The following CLSTN2 variants were observed in gnomAD, a reference collection of about 807,000 sequenced individuals.
CLSTN2 encodes calsyntenin-2.
CLSTN2 carries 48 observed loss-of-function variants against 101.2 expected under a neutral mutation model. That is an observed-to-expected ratio of 0.47 (90% confidence interval 0.38 to 0.60). CLSTN2 has a LOEUF of 0.60. Among genes scored for constraint, CLSTN2 ranks in the 20% least tolerant of loss-of-function variants. CLSTN2 has a pLI of 0.00. For missense variants in CLSTN2, 1,160 were observed against 1,238.2 expected (o/e 0.94, Z 0.95); for synonymous variants, 481 against 463.6 (o/e 1.04, Z -0.48).
intron 2 of CLSTN2, among the ~76,000 whole-genome samples, chr3:140,199,714 T>G (rs2010694017): frequency 6.6e-6 from 1 of 152,350 alleles, no homozygotes; most frequent in African/African-American, 2.4e-5. Context: ...CCAGTGGGCC[T>G]GGGGTGAGTT....
intron 12 of CLSTN2, among the ~76,000 whole-genome samples, chr3:140,560,087 G>A (rs1242119038): frequency 1.8e-4 from 28 of 152,220 alleles, no homozygotes; most frequent in Admixed American, 1.8e-3. Context: ...GCAGGGAAGA[G>A]CAATTATCTG....
intron 2 of CLSTN2, among the ~76,000 whole-genome samples, chr3:140,207,481 G>A (rs185638329): frequency 1.3e-5 from 2 of 151,956 alleles, no homozygotes; most frequent in African/African-American, 4.8e-5. Context: ...CTTTAAATGG[G>A]GATAGAAGTA....
At chr3:140,012,941 T>TGG (rs3065264) in intron 1 of CLSTN2, among the ~76,000 whole-genome samples, 136,203 of 151,932 alleles carry the variant, frequency 0.9, 62,142 homozygotes, top group Non-Finnish European at 0.99. Flanking sequence ...CACAGAGACA[T>TGG]GAGTGGCTGT....
At chr3:140,513,281 C>T (rs1934849142) in intron 8 of CLSTN2, among the ~76,000 whole-genome samples, 1 of 152,114 alleles carries the variant, frequency 6.6e-6, no homozygotes, top group Admixed American at 6.6e-5. Flanking sequence ...AGGTATGTCC[C>T]TTCAATACCT....
intron 2 of CLSTN2, among the ~76,000 whole-genome samples, chr3:140,266,333 A>G (rs2086693712): frequency 1.3e-5 from 2 of 152,256 alleles, no homozygotes; most frequent in Non-Finnish European, 2.9e-5. Flanking sequence ...CCACAGGAAC[A>G]GTGAGATCCA....
At chr3:140,066,765 A>T (rs552712308) in intron 1 of CLSTN2, among the ~76,000 whole-genome samples, 117 of 152,326 alleles carry the variant, frequency 7.7e-4, no homozygotes, top group African/African-American at 2.5e-3. Flanking sequence ...AATTCATCAG[A>T]TGCATTACCT....
chr3:140,224,861 T>C (rs1413850572), intron 2 of CLSTN2, among the ~76,000 whole-genome samples: 1 of 152,100 alleles, frequency 6.6e-6, no homozygotes, highest in Non-Finnish European at 1.5e-5. Flanking sequence ...TGAAGGAAAA[T>C]ACTAAGCTAG....
intron 4 of CLSTN2, among the ~76,000 whole-genome samples, chr3:140,414,653 C>G (rs368447189): frequency 2.6e-5 from 4 of 151,908 alleles, no homozygotes; most frequent in Non-Finnish European, 4.4e-5. Context: ...CACTAATATC[C>G]TAGACTTCAC....
At chr3:140,488,014 T>C (rs1164930330) in intron 8 of CLSTN2, among the ~76,000 whole-genome samples, 4 of 152,180 alleles carry the variant, frequency 2.6e-5, no homozygotes, top group Non-Finnish European at 5.9e-5. Context: ...AAATGAGTCT[T>C]ATAAGCCAAG....
At chr3:140,205,251 G>C (rs537863044) in intron 2 of CLSTN2, among the ~76,000 whole-genome samples, 3 of 152,270 alleles carry the variant, frequency 2.0e-5, no homozygotes, top group Non-Finnish European at 2.9e-5. Flanking sequence ...TTATACCTAC[G>C]TGTGGTTCAA....
At chr3:140,312,043 C>T (rs957093872) in intron 2 of CLSTN2, among the ~76,000 whole-genome samples, 3 of 152,230 alleles carry the variant, frequency 2.0e-5, no homozygotes, top group African/African-American at 7.2e-5. Context: ...TTCATCCAGA[C>T]TCAGAGTGCT....
intron 2 of CLSTN2, among the ~76,000 whole-genome samples, chr3:140,303,652 G>C (rs773528705): frequency 6.6e-5 from 10 of 152,032 alleles, no homozygotes; most frequent in Non-Finnish European, 1.2e-4. Flanking sequence ...TTCTAGAGAT[G>C]TCTGTAAAAT....
rs1257016470 is a variant in CLSTN2, at chr3:140,484,079, A to T, written c.1344+17348A>T. The stretch of plus-strand genomic sequence containing the variant: ...GCCTTGATGGTCTTTACAATTTGGC[A>T]TGTTTTTGCAGTGGCTGGTACCAGT... On this transcript the variant is annotated intron_variant, in intron 8 of 16. Coordinates refer to ENST00000458420, the MANE Select transcript of CLSTN2 (RefSeq NM_022131.3). Among the ~76,000 whole-genome samples the T allele has an allele frequency of 2.6e-5, 4 of 152,164 alleles. No homozygotes were observed. The South Asian group carries it at 8.3e-4, about 32-fold the overall frequency.
chr3:140,140,649 A>G (rs1382065912), intron 1 of CLSTN2, among the ~76,000 whole-genome samples: 1 of 152,164 alleles, frequency 6.6e-6, no homozygotes, highest in African/African-American at 2.4e-5. Flanking sequence ...TCCAAAAACT[A>G]CTTGAGTAGG....
chr3:140,479,811 G>C (rs1367094205), intron 8 of CLSTN2, among the ~76,000 whole-genome samples: 1 of 151,958 alleles, frequency 6.6e-6, no homozygotes, highest in African/African-American at 2.4e-5. Context: ...AGAAGTGGTG[G>C]AAAACTTACT....
chr3:140,249,655 G>A (rs1215977236), intron 2 of CLSTN2, among the ~76,000 whole-genome samples: 1 of 152,116 alleles, frequency 6.6e-6, no homozygotes, highest in Non-Finnish European at 1.5e-5. Context: ...GAGGATTGGG[G>A]GACTGATAGG....
chr3:139,955,137 T>TATATATATATATATATATATATATATAC (rs1231560755), intron 1 of CLSTN2, among the ~76,000 whole-genome samples: 1 of 139,236 alleles, frequency 7.2e-6, no homozygotes, highest in African/African-American at 2.7e-5. Context: ...TATATATATA[T>TATATATATATATATATATATATATATAC]ATGGCAATTC....
chr3:140,026,473 TCA>T lies in CLSTN2; in HGVS notation c.109+90993_109+90994del, dbSNP rs754339723. On this transcript the variant is annotated intron_variant, in intron 1 of 16. Coordinates refer to ENST00000458420, the MANE Select transcript of CLSTN2 (RefSeq NM_022131.3). ...ACTAAATGGACAAAAAAGTTTGCCC[TCA>T]CATAAAGTGCCATCTTTTCTCTGCT... Among the ~76,000 whole-genome samples the T allele has an allele frequency of 2.6e-4, 39 of 152,338 alleles. No individual in the cohort carries two copies. The Middle Eastern group carries it at 0.014, about 53-fold the overall frequency.
At chr3:140,238,560 T>C (rs891716993) in intron 2 of CLSTN2, among the ~76,000 whole-genome samples, 1 of 152,224 alleles carries the variant, frequency 6.6e-6, no homozygotes, top group Admixed American at 6.5e-5. Context: ...TTCTCTTCAT[T>C]TTCAGAAGTA....
Sources: allele counts gnomAD v4.1 joint callset (sites outside exome capture counted in the v4.1 genomes callset), GRCh38; gene constraint gnomAD v4.1.1; transcripts MANE v1.5; gene names NCBI Gene and HGNC (gene_info 2026-07-23, HGNC 2026-07-21).